BCAS3: variants seen among roughly 807,000 people sequenced by gnomAD.
BCAS3 encodes the protein BCAS3 microtubule associated cell migration factor.
In BCAS3, 53 loss-of-function variants were observed where a neutral mutation model predicts 116.1. That is an observed-to-expected ratio of 0.46 (90% CI 0.37 to 0.57). The LOEUF (loss-of-function observed/expected upper bound fraction) is 0.57, where lower values mean the gene tolerates loss of function less well. Ranked by LOEUF, BCAS3 falls within the 20% of genes least tolerant of loss-of-function variation. The probability of loss-of-function intolerance (pLI) is 0.00; values close to 1 mark genes in which losing one functional copy is unlikely to be tolerated. For missense variants in BCAS3, 917 were observed against 1,165.4 expected (o/e 0.79, Z 3.10); for synonymous variants, 391 against 408.2 (o/e 0.96, Z 0.51).
chr17:61,318,061 G>A (rs894937854), intron 22 of BCAS3, among the ~76,000 whole-genome samples: 2 of 152,214 alleles, frequency 1.3e-5, no homozygotes, highest in African/African-American at 4.8e-5. Context: ...GGCTGTGCAG[G>A]AAGCAGGGCC....
Position 61,188,366 on chromosome 17 carries a change from G to A in BCAS3, c.2425+103802G>A, listed in dbSNP as rs1568536822. ...TCTTTGAAATGTAAAGAGAGTGCTT[G>A]TATAATAAGAAGTGTGTTCTCCATG... On this transcript the variant is annotated intron_variant, in intron 22 of 23. Transcript: ENST00000407086. This position sits in a 1 kb window ranked among gnomAD's most constrained non-coding sequence, Gnocchi z 4.0. Among the ~76,000 whole-genome samples, 1 of 152,226 alleles carries A rather than the reference G, an allele frequency of 6.6e-6. No homozygotes were observed. The highest frequency in any genetic ancestry group is 1.5e-5 in the Non-Finnish European group (1 of 68,034).
At chr17:61,253,865 A>T (rs1841072834) in intron 22 of BCAS3, among the ~76,000 whole-genome samples, 1 of 152,164 alleles carries the variant, frequency 6.6e-6, no homozygotes, top group East Asian at 1.9e-4. Flanking sequence ...CATGGGGGAA[A>T]ACTGAAGCGC....
rs545425578 is a variant in BCAS3, at chr17:61,361,084, A to G, written c.2426-7243A>G. On this transcript the variant is annotated intron_variant, in intron 22 of 23. Transcript: ENST00000407086. The surrounding 1 kb of genome is among the most constrained non-coding windows in gnomAD (Gnocchi z 6.5). The stretch of plus-strand genomic sequence containing the variant: ...TACTATTGTTAACGACATTGAAACT[A>G]TTAGTGCCAATGTGAACCCCTTAAA... Among the ~76,000 whole-genome samples the G allele has an allele frequency of 6.6e-6, 1 of 152,286 alleles. No homozygotes were observed. Among genetic ancestry groups the G allele is most frequent in the African/African-American group, 2.4e-5 (1 of 41,556 alleles).
In BCAS3 at chr17:60,990,308, A is replaced by C; in HGVS notation, c.1486+73A>C. 3.3e-6 allele frequency: 5 copies of C among 1,492,712 alleles called. No individual in the cohort carries two copies. The highest frequency in any genetic ancestry group is 4.6e-6 in the Non-Finnish European group (5 of 1,093,484). 92.5% of individuals were successfully genotyped at this position (1,492,712 alleles called of 1,614,324 possible). A position where few individuals can be genotyped will look rare whatever the true frequency, so the allele number is the denominator to read the frequency against. ...TCCTTATTTTTACAGATCTGGGATA[A>C]AACTAAACTTGTTATAGTCTGTTCA... On this transcript the variant is annotated intron_variant, in intron 15 of 23. Coordinates refer to ENST00000407086, the MANE Select transcript of BCAS3 (RefSeq NM_017679.5). The surrounding 1 kb of genome is among the most constrained non-coding windows in gnomAD (Gnocchi z 5.1).
intron 23 of BCAS3, among the ~76,000 whole-genome samples, chr17:61,375,284 TA>T (rs2059282064): frequency 6.9e-6 from 1 of 145,416 alleles, no homozygotes; most frequent in African/African-American, 2.8e-5. Flanking sequence ...TTTAAGACTG[TA>T]AAAAGTAAGC....
intron 6 of BCAS3, among the ~76,000 whole-genome samples, chr17:60,802,295 A>ATAT (rs1555724577): frequency 1.1e-3 from 136 of 127,940 alleles, no homozygotes; most frequent in African/African-American, 2.7e-3. Flanking sequence ...AAAAAAAAAA[A>ATAT]ATATATATAT....
At position 61,235,854 on chromosome 17, in the gene BCAS3, G is replaced by A. The variant is rs1865307607; in HGVS notation, c.2426-132473G>A. Among the ~76,000 whole-genome samples the A allele has an allele frequency of 6.6e-6, 1 of 152,178 alleles. No individual in the cohort carries two copies. Among genetic ancestry groups the A allele is most frequent in the Admixed American group, 6.5e-5 (1 of 15,276 alleles). ...AAAATAATCCTCCTCTTGTCTAGGA[G>A]TTTCTGCTACTGGGAGCCACAGGGT... On this transcript the variant is annotated intron_variant, in intron 22 of 23. Transcript: ENST00000407086. This position sits in a 1 kb window ranked among gnomAD's most constrained non-coding sequence, Gnocchi z 5.0.
At chr17:61,125,081 A>C (rs1439109211) in intron 22 of BCAS3, among the ~76,000 whole-genome samples, 2 of 152,236 alleles carry the variant, frequency 1.3e-5, no homozygotes, top group African/African-American at 2.4e-5. Context: ...TCAACCTTTA[A>C]TTTTTAGTTT....
At chr17:60,822,240 C>T (rs1311516600) in intron 7 of BCAS3, among the ~76,000 whole-genome samples, 1 of 152,192 alleles carries the variant, frequency 6.6e-6, no homozygotes, top group Non-Finnish European at 1.5e-5. Context: ...ACTTGAGAAA[C>T]ACTTGACATT....
At chr17:60,938,071 A>G (rs1256535255) in intron 13 of BCAS3, among the ~76,000 whole-genome samples, 1 of 151,768 alleles carries the variant, frequency 6.6e-6, no homozygotes, top group Non-Finnish European at 1.5e-5. Context: ...GCTCACTGCC[A>G]TCTCCGTAGA....
chr17:61,178,334 T>C (rs1231119455), intron 22 of BCAS3, among the ~76,000 whole-genome samples: 1 of 152,194 alleles, frequency 6.6e-6, no homozygotes, highest in African/African-American at 2.4e-5. Flanking sequence ...GAAGGCTTAG[T>C]TGCAGCACAA....
intron 22 of BCAS3, among the ~76,000 whole-genome samples, chr17:61,210,986 C>G (rs1443898830): frequency 2.0e-5 from 3 of 151,840 alleles, no homozygotes; most frequent in Non-Finnish European, 1.5e-5. Context: ...TAATCCATAC[C>G]CACAGAGATG....
intron 13 of BCAS3, among the ~76,000 whole-genome samples, chr17:60,940,617 ATAAT>A (rs1379004789): frequency 2.0e-5 from 3 of 152,228 alleles, no homozygotes; most frequent in African/African-American, 4.8e-5. Context: ...ACTTTTCTAA[ATAAT>A]TAAGTAATTT....
chr17:60,869,666 C>G (rs1053458762), intron 8 of BCAS3, among the ~76,000 whole-genome samples: 1 of 152,042 alleles, frequency 6.6e-6, no homozygotes, highest in African/African-American at 2.4e-5. Context: ...AGGAAAAATA[C>G]CCAATATATT....
At position 61,104,600 on chromosome 17, in the gene BCAS3, C is replaced by T. The variant is rs999268319; in HGVS notation, c.2425+20036C>T. Among the ~76,000 whole-genome samples the T allele has an allele frequency of 1.3e-5, 2 of 152,122 alleles. No individual in the cohort carries two copies. Among genetic ancestry groups the T allele is most frequent in the East Asian group, 1.9e-4 (1 of 5,192 alleles). Reference sequence around the variant, plus strand: ...ATAGCAGTCTCATTTACTTAGGATCCGTGTCAGCGCCTTGAGCTCCAAATC... The same window carrying T: ...ATAGCAGTCTCATTTACTTAGGATCTGTGTCAGCGCCTTGAGCTCCAAATC... On this transcript the variant is annotated intron_variant, in intron 22 of 23. Transcript: ENST00000407086. This position sits in a 1 kb window ranked among gnomAD's most constrained non-coding sequence, Gnocchi z 4.1.
intron 22 of BCAS3, among the ~76,000 whole-genome samples, chr17:61,345,042 G>A (rs2057421337): frequency 6.6e-6 from 1 of 152,206 alleles, no homozygotes; most frequent in Admixed American, 6.5e-5. Flanking sequence ...CTGGGGCAGA[G>A]CTCGCCTGCT....
At chr17:60,799,562 T>C in intron 6 of BCAS3, among the ~76,000 whole-genome samples, 1 of 136,858 alleles carries the variant, frequency 7.3e-6, no homozygotes, top group East Asian at 2.2e-4. Context: ...AGAGTCGTAC[T>C]CTGTCACCCA....
chr17:61,036,981 C>T (rs2067087158), intron 17 of BCAS3, among the ~76,000 whole-genome samples: 1 of 152,270 alleles, frequency 6.6e-6, no homozygotes. Flanking sequence ...TCCATATATA[C>T]CTTCTGTCTC....
chr17:61,108,454 G>T (rs1427481024), intron 22 of BCAS3, among the ~76,000 whole-genome samples: 1 of 151,852 alleles, frequency 6.6e-6, no homozygotes, highest in Non-Finnish European at 1.5e-5. Flanking sequence ...GCTTAAGTCT[G>T]CCATTTTATT....
Sources: allele counts gnomAD v4.1 joint callset (sites outside exome capture counted in the v4.1 genomes callset), GRCh38; gene constraint gnomAD v4.1.1; non-coding constraint Gnocchi (gnomAD v3.1); transcripts MANE v1.5; gene names NCBI Gene and HGNC (gene_info 2026-07-23, HGNC 2026-07-21).